The following ST3GAL2 variants were observed in gnomAD, a reference collection of about 807,000 sequenced individuals.
ST3GAL2 encodes ST3 beta-galactoside alpha-2,3-sialyltransferase 2.
Under a neutral mutation model 37.5 loss-of-function variants are expected in ST3GAL2, and 16 were observed. That is an observed-to-expected ratio of 0.43 (90% CI 0.29 to 0.65). The LOEUF (loss-of-function observed/expected upper bound fraction) is 0.65, where lower values mean the gene tolerates loss of function less well. Among genes scored for constraint, ST3GAL2 ranks in the 30% least tolerant of loss-of-function variants. The pLI is 0.17. For missense variants in ST3GAL2, 383 were observed against 487.8 expected, an observed-to-expected ratio of 0.79 and a Z score of 2.02; for synonymous variants, 238 against 202.9, an observed-to-expected ratio of 1.17 and a Z score of -1.47.
intron 1 of ST3GAL2, among the ~76,000 whole-genome samples, chr16:70,429,804 G>T (rs558905565): frequency 1.3e-5 from 2 of 151,738 alleles, no homozygotes; most frequent in Admixed American, 6.6e-5. Flanking sequence ...ACCACACCCG[G>T]CTAATTTTTT....
chr16:70,420,498 G>A (rs938009269), intron 1 of ST3GAL2, among the ~76,000 whole-genome samples: 1 of 152,134 alleles, frequency 6.6e-6, no homozygotes, highest in African/African-American at 2.4e-5. Flanking sequence ...CTGGTGGCAT[G>A]GGTCCTACAA....
chr16:70,433,492 T>G (rs1256458035), intron 1 of ST3GAL2, among the ~76,000 whole-genome samples: 1 of 152,170 alleles, frequency 6.6e-6, no homozygotes, highest in Non-Finnish European at 1.5e-5. Context: ...GATGCAGGGT[T>G]GCGAGGGAAC....
chr16:70,415,474 A>C (rs16970151), intron 1 of ST3GAL2, among the ~76,000 whole-genome samples: 3 of 152,282 alleles, frequency 2.0e-5, no homozygotes, highest in African/African-American at 7.2e-5. Context: ...ATTGCAAGCC[A>C]GTCAGGAGAA....
chr16:70,381,607 G>A lies in ST3GAL2; in HGVS notation c.*82C>T. 1 of 1,521,518 alleles carries A rather than the reference G, an allele frequency of 6.6e-7. No homozygotes were observed. Among genetic ancestry groups the A allele is most frequent in the Admixed American group, 1.9e-5 (1 of 52,740 alleles). The allele number at this position is 1,521,518 out of a possible 1,614,324, so 94.3% of individuals were successfully genotyped here. A position where few individuals can be genotyped will look rare whatever the true frequency, so the allele number is the denominator to read the frequency against. On this transcript the variant is annotated 3_prime_UTR_variant, in exon 7 of 7. Coordinates refer to ENST00000342907, the MANE Select transcript of ST3GAL2 (RefSeq NM_006927.4). ...ACGCCCCTGGGCTGCAGCATGATTG[G>A]TCGCGGGTTGCTGGTCCTGGGTCCC...
chr16:70,422,569 A>C (rs1207374564), intron 1 of ST3GAL2, among the ~76,000 whole-genome samples: 2 of 152,318 alleles, frequency 1.3e-5, no homozygotes, highest in South Asian at 4.1e-4. Flanking sequence ...AGAATGCAAG[A>C]GGCATCCAGT....
intron 1 of ST3GAL2, among the ~76,000 whole-genome samples, chr16:70,402,059 G>A (rs1238967934): frequency 8.1e-5 from 12 of 148,252 alleles, no homozygotes; most frequent in African/African-American, 1.3e-4. Flanking sequence ...CAGCACTTTC[G>A]GAGGCCGAGG....
At chr16:70,414,116 G>C (rs1317307354) in intron 1 of ST3GAL2, among the ~76,000 whole-genome samples, 1 of 152,188 alleles carries the variant, frequency 6.6e-6, no homozygotes, top group African/African-American at 2.4e-5. Context: ...TAAATTTACA[G>C]TGCCATCCTG....
chr16:70,388,750 T>A (rs2047460451), intron 3 of ST3GAL2, among the ~76,000 whole-genome samples: 1 of 152,074 alleles, frequency 6.6e-6, no homozygotes, highest in Admixed American at 6.6e-5. Context: ...CAGAATTATT[T>A]ACAATAGTAA....
intron 1 of ST3GAL2, among the ~76,000 whole-genome samples, chr16:70,430,041 C>A (rs1330317355): frequency 6.6e-6 from 1 of 152,220 alleles, no homozygotes; most frequent in Admixed American, 6.5e-5. Context: ...CTCATGCCCC[C>A]TGAGAATAAC....
intron 1 of ST3GAL2, among the ~76,000 whole-genome samples, chr16:70,414,892 G>A (rs2047664850): frequency 6.6e-6 from 1 of 150,636 alleles, no homozygotes; most frequent in Non-Finnish European, 1.5e-5. Context: ...TTATTTTTTT[G>A]AGACGGAGTC....
chr16:70,394,908 G>C, intron 3 of ST3GAL2, 74 bp downstream of exon 3: 2 of 1,526,218 alleles, frequency 1.3e-6, no homozygotes, highest in Non-Finnish European at 1.8e-6. Context: ...CACCCTGCCA[G>C]ACAAGGCAGA....
intron 1 of ST3GAL2, among the ~76,000 whole-genome samples, chr16:70,420,170 T>C (rs2047705423): frequency 6.6e-6 from 1 of 152,080 alleles, no homozygotes; most frequent in Non-Finnish European, 1.5e-5. Flanking sequence ...TCTATTCTTG[T>C]GGCCCAGTGG....
At chr16:70,389,265 T>A (rs1344468004) in intron 3 of ST3GAL2, among the ~76,000 whole-genome samples, 1 of 135,336 alleles carries the variant, frequency 7.4e-6, no homozygotes, top group Admixed American at 7.9e-5. Flanking sequence ...ATTGGGGGCT[T>A]AACTCATTTT....
intron 1 of ST3GAL2, among the ~76,000 whole-genome samples, chr16:70,414,370 T>C (rs1313758508): frequency 1.3e-5 from 2 of 152,208 alleles, no homozygotes; most frequent in African/African-American, 4.8e-5. Flanking sequence ...CGTGCAGACA[T>C]GCAAACGGGA....
chr16:70,387,753 C>A (rs1416228570), intron 4 of ST3GAL2, among the ~76,000 whole-genome samples: 2 of 151,888 alleles, frequency 1.3e-5, no homozygotes, highest in African/African-American at 2.4e-5. Context: ...GGACAACTAC[C>A]CCCAAAGAAA....
intron 1 of ST3GAL2, chr16:70,400,712 G>GT (rs2047549256): frequency 6.6e-6 from 1 of 152,298 alleles, no homozygotes; most frequent in Non-Finnish European, 1.5e-5. Flanking sequence ...TCACGACGTT[G>GT]TGAGTGGAGG....
chr16:70,429,262 C>T (rs74026031), intron 1 of ST3GAL2, among the ~76,000 whole-genome samples: 3 of 152,222 alleles, frequency 2.0e-5, no homozygotes, highest in East Asian at 1.9e-4. Context: ...CAGGCTGTGG[C>T]GGGCTTCTGT....
intron 1 of ST3GAL2, among the ~76,000 whole-genome samples, chr16:70,420,461 G>A (rs1446131834): frequency 5.9e-5 from 9 of 152,174 alleles, no homozygotes; most frequent in Non-Finnish European, 1.3e-4. Flanking sequence ...CTGACTGCAG[G>A]GTGGTCAAGT....
intron 1 of ST3GAL2, among the ~76,000 whole-genome samples, chr16:70,413,820 T>C (rs2047656897): frequency 6.6e-6 from 1 of 151,980 alleles, no homozygotes; most frequent in African/African-American, 2.4e-5. Context: ...GGTAACAACT[T>C]TTCTCAGGCT....
Sources: allele counts gnomAD v4.1 joint callset (sites outside exome capture counted in the v4.1 genomes callset), GRCh38; gene constraint gnomAD v4.1.1; transcripts MANE v1.5; gene names NCBI Gene and HGNC (gene_info 2026-07-23, HGNC 2026-07-21).